FAHD2B: variants seen among roughly 807,000 people sequenced by gnomAD.
FAHD2B encodes fumarylacetoacetate hydrolase domain containing 2B, also known as oxaloacetate tautomerase FAHD2B, mitochondrial.
FAHD2B carries 26 observed loss-of-function variants against 33.7 expected under a neutral mutation model. The observed-to-expected ratio is 0.77, with a 90% confidence interval of 0.57 to 1.07. The LOEUF (loss-of-function observed/expected upper bound fraction) is 1.07, where lower values mean the gene tolerates loss of function less well. Ranked by LOEUF, FAHD2B falls within the 50% of genes least tolerant of loss-of-function variation. The probability of loss-of-function intolerance (pLI) is 0.00; values close to 1 mark genes in which losing one functional copy is unlikely to be tolerated. For missense variants in FAHD2B, 272 were observed against 388.1 expected (o/e 0.70, Z 2.51); for synonymous variants, 108 against 150.9 (o/e 0.72, Z 2.08).
intron 5 of FAHD2B, 104 bp from the exon 6 acceptor site, chr2:97,085,965 G>C (rs2031956683): frequency 4.6e-6 from 7 of 1,527,086 alleles, no homozygotes; most frequent in Non-Finnish European, 6.3e-6. Flanking sequence ...AGTAGCCAGA[G>C]CCAGCCAAAG....
intron 4 of FAHD2B, chr2:97,089,784 A>G (rs910961253): frequency 1.2e-5 from 5 of 416,324 alleles, no homozygotes; most frequent in Non-Finnish European, 2.2e-5. Flanking sequence ...CAGTATAAAC[A>G]TATACAGGAG....
At chr2:97,088,208 T>C (rs1294969409) in intron 4 of FAHD2B, among the ~76,000 whole-genome samples, 2 of 152,010 alleles carry the variant, frequency 1.3e-5, no homozygotes, top group Non-Finnish European at 2.9e-5. Context: ...AACAGCAGAG[T>C]TGAATTGTTG....
Position 97,091,664 on chromosome 2 carries a change from G to A in FAHD2B, c.43C>T (p.Gln15Ter). 1 of 1,613,710 alleles carries A rather than the reference G, an allele frequency of 6.2e-7. No homozygotes were observed. Among genetic ancestry groups the A allele is most frequent in the Non-Finnish European group, 8.5e-7 (1 of 1,179,816 alleles). Residue 15 changes from glutamine to a stop codon, truncating the protein, a stop_gained, in exon 3 of 9, where the codon CAG (glutamine) becomes TAG (stop). Coordinates refer to ENST00000414820, the MANE Select transcript of FAHD2B (RefSeq NM_001320848.2). LOFTEE classifies it high-confidence loss of function. Reference sequence around the variant, plus strand: ...GGTTGAAAGGGCCACTTCTGAGCCTGCAGCAGAGCTGTGAGTAATCTTCTT... The same window carrying A: ...GGTTGAAAGGGCCACTTCTGAGCCTACAGCAGAGCTGTGAGTAATCTTCTT... ...GRRRLLTALL[Q>*]AQKWPFQPSR...
chr2:97,083,172 C>A (rs2031720638), downstream of FAHD2B: 2 of 1,599,448 alleles, frequency 1.3e-6, no homozygotes, highest in South Asian at 2.2e-5. Flanking sequence ...GCCCTGCAGG[C>A]CCCAGGCTCC....
chr2:97,091,614 C>G lies in FAHD2B; in HGVS notation c.93G>C (p.Gln31His), dbSNP rs149711241. The G allele has an allele frequency of 5.2e-4, 840 of 1,613,968 alleles. 4 individuals are homozygous for G. The Middle Eastern group carries it at 0.01, about 19-fold the overall frequency. ...FQPSRDMRLV[Q>H]FRAPHLVGPH... is the part of the protein sequence containing the mutation. Reference sequence around the variant, plus strand: ...GCCCCACCAGGTGGGGTGCCCGGAACTGCACTAGTCTCATGTCTCTGGAGG... The same window carrying G: ...GCCCCACCAGGTGGGGTGCCCGGAAGTGCACTAGTCTCATGTCTCTGGAGG... The change falls in exon 3 of 9, where the codon CAG becomes CAC. Residue 31 changes from glutamine (Q) to histidine (H), a missense_variant. Physicochemically the swap from Gln to His is conservative, Grantham distance 24. Transcript: ENST00000414820.
Position 97,084,199 on chromosome 2 carries a change from T to C in FAHD2B, c.764A>G (p.Lys255Arg), listed in dbSNP as rs778502141. ...QSSNTNQMVFKTEDLIAWVSQ... is the reference protein window; with the variant it reads ...QSSNTNQMVFRTEDLIAWVSQ... ...GACCCAGGCTATCAGGTCCTCTGTCTTGAATACCATCTGGTTGGTGTTGCT... is the reference window on the plus strand; with the variant it reads ...GACCCAGGCTATCAGGTCCTCTGTCCTGAATACCATCTGGTTGGTGTTGCT... The change falls in exon 7 of 9, where the codon AAG (lysine) becomes AGG (arginine). Residue 255 changes from lysine to arginine, a missense_variant. Coordinates refer to ENST00000414820, the MANE Select transcript of FAHD2B (RefSeq NM_001320848.2). 2 of 1,613,694 alleles carry C rather than the reference T, an allele frequency of 1.2e-6. No homozygotes were observed. Among genetic ancestry groups the C allele is most frequent in the Non-Finnish European group, 1.7e-6 (2 of 1,179,858 alleles).
intron 4 of FAHD2B, 31 bp from the exon 5 acceptor site, chr2:97,086,229 A>G (rs772328959): frequency 4.4e-6 from 7 of 1,607,270 alleles, no homozygotes; most frequent in Non-Finnish European, 4.2e-6. Flanking sequence ...AGTGAGCCGC[A>G]GTGGCTTCGG....
chr2:97,081,055 G>A (rs181409608), downstream of FAHD2B: 377 of 1,480,816 alleles, frequency 2.5e-4, 4 homozygotes, highest in African/African-American at 4.9e-3. Flanking sequence ...TGTGTGCAGT[G>A]GTGAAGGGAA....
downstream of FAHD2B, chr2:97,082,828 C>T: frequency 2.9e-6 from 3 of 1,046,012 alleles, no homozygotes; most frequent in Non-Finnish European, 4.5e-6. Flanking sequence ...CAGGGAAACC[C>T]AGCTATGTCC....
In FAHD2B at chr2:97,091,609, C is replaced by T. The variant is rs758334032; in HGVS notation, c.98G>A (p.Arg33Gln). The change falls in exon 3 of 9, where the codon CGG (arginine) becomes CAG (glutamine). Residue 33 changes from arginine (R) to glutamine (Q), a missense_variant. By Grantham distance (43) the Arg-to-Gln change is conservative. Transcript: ENST00000414820. ...PSRDMRLVQF[R>Q]APHLVGPHLG... ...GTGAGGCCCCACCAGGTGGGGTGCC[C>T]GGAACTGCACTAGTCTCATGTCTCT... 2.0e-5 allele frequency: 32 copies of T among 1,613,792 alleles called. No individual in the cohort carries two copies. The highest frequency in any genetic ancestry group is 3.3e-5 in the Admixed American group (2 of 59,944).
downstream of FAHD2B, chr2:97,081,252 C>G (rs2031634824): frequency 6.8e-7 from 1 of 1,480,952 alleles, no homozygotes; most frequent in African/African-American, 1.5e-5. Context: ...TGCTAAAGGT[C>G]AGGCCTCCCC....
At chr2:97,083,127 A>C, downstream of FAHD2B, 1 of 1,556,138 alleles carries the variant, frequency 6.4e-7, no homozygotes, top group Non-Finnish European at 8.7e-7. Flanking sequence ...CTCATGGCGC[A>C]TCTTCCATGG....
downstream of FAHD2B, chr2:97,083,122 G>C: frequency 1.9e-6 from 3 of 1,548,838 alleles, no homozygotes; most frequent in South Asian, 3.6e-5. Flanking sequence ...GCGCACTCAT[G>C]GCGCATCTTC....
In FAHD2B at chr2:97,089,080, A is replaced by T. The variant is rs375349256; in HGVS notation, c.462+1029T>A. Among the ~76,000 whole-genome samples, 41 of 152,016 alleles carry T rather than the reference A, an allele frequency of 2.7e-4. 2 individuals are homozygous for T. In the East Asian group the frequency reaches 2.7e-3, roughly 10 times the overall value. On this transcript the variant is annotated intron_variant, in intron 4 of 8. Coordinates refer to ENST00000414820, the MANE Select transcript of FAHD2B (RefSeq NM_001320848.2). ...AAAATAAAAATTTGCGAGGAAAAGT[A>T]ACCAGTGTTAGTAAGGGTATATACA...
chr2:97,082,634 G>A (rs1354107413), downstream of FAHD2B: 11 of 1,543,880 alleles, frequency 7.1e-6, no homozygotes, highest in Non-Finnish European at 9.8e-6. Context: ...TAAACAAGAG[G>A]AGAGAAGCCT....
At chr2:97,088,637 C>T (rs1559137892) in intron 4 of FAHD2B, among the ~76,000 whole-genome samples, 2 of 144,958 alleles carry the variant, frequency 1.4e-5, no homozygotes, top group African/African-American at 4.9e-5. Context: ...TAATACAGCC[C>T]TTTAAGAAAA....
chr2:97,093,159 C>A (rs534529412), intron 1 of FAHD2B, among the ~76,000 whole-genome samples: 1 of 152,108 alleles, frequency 6.6e-6, no homozygotes, highest in East Asian at 1.9e-4. Flanking sequence ...TATTGTACAG[C>A]CTTCTATGCC....
At chr2:97,079,638 ATTTC>A (rs2031579731), downstream of FAHD2B, among the ~76,000 whole-genome samples, 1 of 147,606 alleles carries the variant, frequency 6.8e-6, no homozygotes, top group Non-Finnish European at 1.5e-5. Flanking sequence ...ATTTGTTTAA[ATTTC>A]TTTTTTATTT....
intron 1 of FAHD2B, among the ~76,000 whole-genome samples, chr2:97,092,201 T>C (rs757890167): frequency 6.6e-6 from 1 of 152,166 alleles, no homozygotes; most frequent in Non-Finnish European, 1.5e-5. Context: ...GGTGGCAGCC[T>C]AGCATGGGCA....
Sources: gnomAD v4.1 joint callset for allele counts (sites outside exome capture counted in the v4.1 genomes callset) on GRCh38, gnomAD v4.1.1 for gene constraint, MANE v1.5 for transcripts, NCBI Gene and HGNC (gene_info 2026-07-23, HGNC 2026-07-21) for gene names.